The following TRAPPC9 variants were observed in gnomAD, a reference collection of about 807,000 sequenced individuals.
TRAPPC9 encodes IKK2 binding protein.
In TRAPPC9, 83 loss-of-function variants were observed where a neutral mutation model predicts 124.0. The ratio of observed to expected loss-of-function variants is 0.67; its 90% CI spans 0.56 to 0.80. The LOEUF is 0.80. Ranked by LOEUF, TRAPPC9 falls within the 30% of genes least tolerant of loss-of-function variation. The probability of loss-of-function intolerance (pLI) is 0.00; values close to 1 mark genes in which losing one functional copy is unlikely to be tolerated. For missense variants in TRAPPC9, 1,302 were observed against 1,508.3 expected, an observed-to-expected ratio of 0.86 and a Z score of 2.27; for synonymous variants, 638 against 617.5, an observed-to-expected ratio of 1.03 and a Z score of -0.49.
At chr8:139,951,000 C>T (rs1432793928) in intron 19 of TRAPPC9, among the ~76,000 whole-genome samples, 1 of 152,190 alleles carries the variant, frequency 6.6e-6, no homozygotes, top group Non-Finnish European at 1.5e-5. Flanking sequence ...AAACAGAGTG[C>T]CTCACCTGCT....
chr8:140,203,351 T>G (rs2062839411), intron 17 of TRAPPC9, among the ~76,000 whole-genome samples: 1 of 152,188 alleles, frequency 6.6e-6, no homozygotes, highest in African/African-American at 2.4e-5. Flanking sequence ...AATGTGAAAT[T>G]TCTCTCCTTT....
chr8:139,886,769 G>A (rs1317772151), intron 20 of TRAPPC9, among the ~76,000 whole-genome samples: 2 of 152,168 alleles, frequency 1.3e-5, no homozygotes, highest in African/African-American at 4.8e-5. Flanking sequence ...CACAGCAGGT[G>A]GTGTGGCCTT....
chr8:140,110,006 G>A (rs2060734489), intron 17 of TRAPPC9, among the ~76,000 whole-genome samples: 1 of 152,098 alleles, frequency 6.6e-6, no homozygotes. Flanking sequence ...CCAAGAGACA[G>A]ACTCAGGTGA....
intron 11 of TRAPPC9, among the ~76,000 whole-genome samples, chr8:140,298,655 G>GA (rs71520270): frequency 0.31 from 45,547 of 148,722 alleles, 7,157 homozygotes; most frequent in Middle Eastern, 0.45. Flanking sequence ...CTGTCTCAAA[G>GA]AAAAAAAAAA....
At chr8:140,393,706 G>C (rs1006905944) in intron 7 of TRAPPC9, among the ~76,000 whole-genome samples, 1 of 152,054 alleles carries the variant, frequency 6.6e-6, no homozygotes, top group South Asian at 2.1e-4. Context: ...TTCCATATTA[G>C]CCAAAGTCAT....
chr8:140,203,707 A>G (rs2062849041), intron 17 of TRAPPC9, among the ~76,000 whole-genome samples: 1 of 152,258 alleles, frequency 6.6e-6, no homozygotes, highest in African/African-American at 2.4e-5. Flanking sequence ...GATCAAACGA[A>G]TTCTGCTGGA....
At position 139,984,489 on chromosome 8, in the gene TRAPPC9, T is replaced by C. The variant is rs1279683044; in HGVS notation, c.2810+4237A>G. On this transcript the variant is annotated intron_variant, in intron 19 of 22. Transcript: ENST00000438773. This position sits in a 1 kb window ranked among gnomAD's most constrained non-coding sequence, Gnocchi z 4.3. ...GGGTGGTGGCAGGGGTGCCTCCTCG[T>C]AGGGGAACGGGAGAGCCAGGAGAGA... 6.6e-6 allele frequency among the ~76,000 whole-genome samples: 1 copy of C among 151,776 alleles called. No homozygotes were observed. Among genetic ancestry groups the C allele is most frequent in the African/African-American group, 2.4e-5 (1 of 41,308 alleles).
chr8:139,999,952 T>C (rs1003543246), intron 18 of TRAPPC9, among the ~76,000 whole-genome samples: 1 of 152,204 alleles, frequency 6.6e-6, no homozygotes, highest in Non-Finnish European at 1.5e-5. Flanking sequence ...AGTGATTATA[T>C]AAGAAAGAAC....
chr8:140,113,169 C>T (rs2060814590), intron 17 of TRAPPC9, among the ~76,000 whole-genome samples: 1 of 152,202 alleles, frequency 6.6e-6, no homozygotes, highest in African/African-American at 2.4e-5. Context: ...ACAGGCCCAG[C>T]AGTGACTTAT....
chr8:140,129,002 TA>T (rs1186562939), intron 17 of TRAPPC9, among the ~76,000 whole-genome samples: 35 of 135,734 alleles, frequency 2.6e-4, no homozygotes, highest in African/African-American at 8.9e-4. Context: ...TATATATATA[TA>T]TTAAAAAAAA....
rs568578134 is a variant in TRAPPC9, at chr8:140,320,544, G to A, written c.1496-9170C>T. 1.6e-4 allele frequency among the ~76,000 whole-genome samples: 25 copies of A among 152,100 alleles called. No individual in the cohort carries two copies. In the South Asian group the frequency reaches 2.3e-3, roughly 14 times the overall value. Reference sequence around the variant, plus strand: ...CGGGAACTCAGGCTCTGTGACCAACGAACTCCCAAGACCAAGCAGGGCCCA... The same window carrying A: ...CGGGAACTCAGGCTCTGTGACCAACAAACTCCCAAGACCAAGCAGGGCCCA... On this transcript the variant is annotated intron_variant, in intron 9 of 22. Transcript: ENST00000438773.
intron 21 of TRAPPC9, among the ~76,000 whole-genome samples, chr8:139,811,280 T>C (rs1824429909): frequency 6.6e-6 from 1 of 152,130 alleles, no homozygotes; most frequent in Non-Finnish European, 1.5e-5. Flanking sequence ...ATAAGCATTC[T>C]AAGAGATAGG....
At chr8:140,291,226 C>CT (rs1195773849) in intron 11 of TRAPPC9, 148 bp from the exon 12 acceptor site, 3 of 744,426 alleles carry the variant, frequency 4.0e-6, no homozygotes, top group Non-Finnish European at 7.1e-6. Context: ...TTCAAAGCTG[C>CT]TTTTTCCACC....
At chr8:139,799,659 G>A (rs1256524559) in intron 21 of TRAPPC9, among the ~76,000 whole-genome samples, 1 of 152,182 alleles carries the variant, frequency 6.6e-6, no homozygotes, top group East Asian at 1.9e-4. Context: ...GTCTCCAACT[G>A]TCCACACTCA....
chr8:139,926,397 G>A (rs1219312539), intron 19 of TRAPPC9, among the ~76,000 whole-genome samples: 2 of 152,134 alleles, frequency 1.3e-5, no homozygotes, highest in African/African-American at 2.4e-5. Flanking sequence ...GAACGAGATC[G>A]ATTCAGAAGA....
chr8:139,941,159 T>G (rs547303814), intron 19 of TRAPPC9, among the ~76,000 whole-genome samples: 1 of 152,286 alleles, frequency 6.6e-6, no homozygotes, highest in South Asian at 2.1e-4. Flanking sequence ...GCAGGCACGA[T>G]TGGCTAGTCT....
chr8:140,073,815 G>C (rs528358600), intron 17 of TRAPPC9, among the ~76,000 whole-genome samples: 58 of 152,310 alleles, frequency 3.8e-4, no homozygotes, highest in Non-Finnish European at 7.3e-5. Flanking sequence ...GTTAATGGAT[G>C]TGTGGATGGT....
chr8:140,433,767 CAGA>C (rs1208197993), intron 4 of TRAPPC9, among the ~76,000 whole-genome samples: 2 of 152,114 alleles, frequency 1.3e-5, no homozygotes, highest in Non-Finnish European at 2.9e-5. Flanking sequence ...AAGCCTGAGG[CAGA>C]AGAATAGGAT....
intron 17 of TRAPPC9, among the ~76,000 whole-genome samples, chr8:140,200,937 T>C (rs2062774031): frequency 6.6e-6 from 1 of 152,260 alleles, no homozygotes; most frequent in Non-Finnish European, 1.5e-5. Flanking sequence ...GTTCCATCTT[T>C]GCAGCTTTTC....
Sources: gnomAD v4.1 joint callset for allele counts (sites outside exome capture counted in the v4.1 genomes callset) on GRCh38, gnomAD v4.1.1 for gene constraint, Gnocchi (gnomAD v3.1) non-coding constraint, MANE v1.5 for transcripts, NCBI Gene and HGNC (gene_info 2026-07-23, HGNC 2026-07-21) for gene names.